ZZEF1: variants seen among roughly 807,000 people sequenced by gnomAD.
The protein encoded by ZZEF1 is zinc finger ZZ-type and EF-hand domain containing 1, also known as zinc finger ZZ-type and EF-hand domain-containing protein 1.
In ZZEF1, 157 loss-of-function variants were observed where a neutral mutation model predicts 342.8. The ratio of observed to expected loss-of-function variants is 0.46; its 90% CI spans 0.40 to 0.52. ZZEF1 has a LOEUF of 0.52. ZZEF1 is among the 20% of genes least tolerant of loss of function. ZZEF1 has a pLI of 0.00. For synonymous variants in ZZEF1, 1,505 were observed against 1,429.1 expected (o/e 1.05, Z -1.20); for missense variants, 3,480 against 3,725.6 (o/e 0.93, Z 1.72).
intron 24 of ZZEF1, among the ~76,000 whole-genome samples, chr17:4,073,175 T>C (rs998619736): frequency 3.3e-5 from 5 of 152,206 alleles, no homozygotes; most frequent in African/African-American, 1.2e-4. Flanking sequence ...GAGAAAAGAA[T>C]AGGTGGAAAT....
chr17:4,060,398 C>G (rs973828434), intron 30 of ZZEF1, among the ~76,000 whole-genome samples: 2 of 152,102 alleles, frequency 1.3e-5, no homozygotes, highest in African/African-American at 4.8e-5. Context: ...AACCCAGTGT[C>G]TAGTAAAAAT....
At position 4,086,673 on chromosome 17, in the gene ZZEF1, A is replaced by G. The variant is rs1367870848; in HGVS notation, c.2343-18T>C. On this transcript the variant is annotated intron_variant, in intron 14 of 54. Transcript: ENST00000381638. ...CCCTCGGGCTACAGAAAGACAAAAA[A>G]CATCAGAGAGCAAAAGGGCAAGTTG... 1.2e-6 allele frequency: 2 copies of G among 1,612,766 alleles called. No individual in the cohort carries two copies. Among genetic ancestry groups the G allele is most frequent in the African/African-American group, 1.3e-5 (1 of 74,882 alleles).
At chr17:4,095,279 A>G (rs2058013927) in intron 11 of ZZEF1, among the ~76,000 whole-genome samples, 1 of 152,158 alleles carries the variant, frequency 6.6e-6, no homozygotes, top group South Asian at 2.1e-4. Flanking sequence ...GATGTCTCTG[A>G]TCAGGAGGGC....
chr17:4,021,044 T>C (rs544352156), intron 45 of ZZEF1, 85 bp downstream of exon 45: 6 of 1,417,198 alleles, frequency 4.2e-6, no homozygotes, highest in East Asian at 2.3e-5. Context: ...AGCATTTTCA[T>C]GTTTAGGCTA....
At chr17:4,099,174 T>G (rs1226409739) in intron 9 of ZZEF1, among the ~76,000 whole-genome samples, 2 of 152,178 alleles carry the variant, frequency 1.3e-5, no homozygotes, top group African/African-American at 4.8e-5. Context: ...AAATAAAACT[T>G]CTGTGCTTCC....
intron 4 of ZZEF1, among the ~76,000 whole-genome samples, chr17:4,114,042 T>C (rs1355672982): frequency 2.0e-5 from 3 of 152,200 alleles, no homozygotes; most frequent in Non-Finnish European, 4.4e-5. Flanking sequence ...CTTTGTGGTA[T>C]TAATTTTCCT....
In ZZEF1 at chr17:4,087,590, A is replaced by G. The variant is rs551691146; in HGVS notation, c.2242-56T>C. Reference sequence around the variant, plus strand: ...AACTGAAAAATGCATTTAGAGAAATACTGTAATGCCTCATTTACTTCTAAT... The same window carrying G: ...AACTGAAAAATGCATTTAGAGAAATGCTGTAATGCCTCATTTACTTCTAAT... On this transcript the variant is annotated intron_variant, in intron 13 of 54. Transcript: ENST00000381638. 32 of 1,428,838 alleles carry G rather than the reference A, an allele frequency of 2.2e-5. No homozygotes were observed. The East Asian group carries it at 5.4e-4, about 24-fold the overall frequency. 88.5% of individuals were successfully genotyped at this position (1,428,838 alleles called of 1,614,324 possible). A position where few individuals can be genotyped will look rare whatever the true frequency, so the allele number is the denominator to read the frequency against.
At chr17:4,044,132 A>C (rs1372693532) in intron 38 of ZZEF1, 92 bp downstream of exon 38, 9 of 1,425,196 alleles carry the variant, frequency 6.3e-6, no homozygotes, top group Non-Finnish European at 8.7e-6. Flanking sequence ...GCGTCTAGCC[A>C]ATGTCAAGCT....
intron 39 of ZZEF1, 75 bp from the exon 40 acceptor site, chr17:4,034,367 C>A: frequency 6.6e-7 from 1 of 1,506,956 alleles, no homozygotes; most frequent in South Asian, 1.2e-5. Context: ...ATATCTCCCT[C>A]CTACCTTATT....
chr17:4,052,885 A>G (rs2057080940), intron 34 of ZZEF1, among the ~76,000 whole-genome samples: 2 of 151,972 alleles, frequency 1.3e-5, no homozygotes, highest in African/African-American at 4.8e-5. Flanking sequence ...GGCGGGGGAG[A>G]AAAAACCAGA....
rs150594706 is a variant in ZZEF1, at chr17:4,102,330, C to T, written c.1659G>A (p.Pro553=). The T allele has an allele frequency of 1.5e-4, 244 of 1,613,418 alleles. No homozygotes were observed. The East Asian group carries it at 4.1e-3, about 27-fold the overall frequency. ...CCCACCACTCACCATCCCTTGTCCA[C>T]GGTTCAACAAGGAGGTTTTCGGGTC... is the stretch of plus-strand genomic sequence containing the variant. ...KSGPENLLVE[P]WTRDGFLTET... Residue 553 remains proline (P), a synonymous_variant, in exon 9 of 55, where the codon CCG becomes CCA. Transcript: ENST00000381638.
At chr17:4,104,880 TG>T in intron 7 of ZZEF1, 69 bp from the exon 8 acceptor site, 1 of 1,374,280 alleles carries the variant, frequency 7.3e-7, no homozygotes, top group Middle Eastern at 1.9e-4. Flanking sequence ...TCAAACCCCA[TG>T]TAAGTGATCA....
At position 4,005,548 on chromosome 17, in the gene ZZEF1, C is replaced by A. The variant is rs112074890; in HGVS notation, c.*1342G>T. The A allele has an allele frequency of 3.9e-4, 59 of 152,554 alleles. No individual in the cohort carries two copies. The highest frequency in any genetic ancestry group is 1.4e-3 in the African/African-American group (57 of 41,604). The allele number at this position is 152,554 out of a possible 1,614,324, so 9.5% of individuals were successfully genotyped here. A position where few individuals can be genotyped will look rare whatever the true frequency, so the allele number is the denominator to read the frequency against. ...CACCTTGGAGTCCTGACCCAGAAGG[C>A]GAAAGTGCTCTTATAGGAAGATGCT... On this transcript the variant is annotated 3_prime_UTR_variant, in exon 55 of 55. Coordinates refer to ENST00000381638, the MANE Select transcript of ZZEF1 (RefSeq NM_015113.4).
At chr17:4,094,135 T>C (rs180831510) in intron 11 of ZZEF1, among the ~76,000 whole-genome samples, 141 of 152,202 alleles carry the variant, frequency 9.3e-4, no homozygotes, top group Non-Finnish European at 4.9e-4. Flanking sequence ...TCTCTTCCAC[T>C]TCTACATTTT....
chr17:4,070,892 A>G lies in ZZEF1; in HGVS notation c.3867T>C (p.His1289=). The G allele has an allele frequency of 6.2e-7, 1 of 1,614,152 alleles. No homozygotes were observed. The highest frequency in any genetic ancestry group is 8.5e-7 in the Non-Finnish European group (1 of 1,180,024). Residue 1289 remains histidine, a synonymous_variant, in exon 26 of 55, where the codon CAT becomes CAC. Coordinates refer to ENST00000381638, the MANE Select transcript of ZZEF1 (RefSeq NM_015113.4). ...CTGACTGGGCAAAATCAAGAAGAAA[A>G]TGGCGGCAGGGGTCGTCAGGAATGT... ...VKNIPDDPCR[H]FLLDFAQSEP... is the part of the protein sequence containing the mutation.
In ZZEF1 at chr17:4,117,026, T is replaced by A; in HGVS notation, c.640A>T (p.Met214Leu). The A allele has an allele frequency of 6.2e-7, 1 of 1,613,786 alleles. No individual in the cohort carries two copies. The highest frequency in any genetic ancestry group is 1.1e-5 in the South Asian group (1 of 91,044). Residue 214 changes from methionine (M) to leucine (L), a missense_variant, in exon 3 of 55, where the codon ATG becomes TTG. This residue lies in a region of ZZEF1 where 416 missense variants were observed against 374.2 expected (regional missense o/e 1.11). Transcript: ENST00000381638. ...MLEHCNNMCTMRSSVLKESLD... is the reference protein window; with the variant it reads ...MLEHCNNMCTLRSSVLKESLD... ...GACTCCTTCAGGACGGAAGACCGCA[T>A]GGTGCACATGTTATTGCAGTGCTCC...
chr17:4,140,539 T>G (rs144981555), intron 1 of ZZEF1, among the ~76,000 whole-genome samples: 1 of 152,336 alleles, frequency 6.6e-6, no homozygotes, highest in African/African-American at 2.4e-5. Context: ...AGCAAGTATC[T>G]GCTTTGTCCA....
intron 1 of ZZEF1, among the ~76,000 whole-genome samples, chr17:4,131,220 G>A (rs992610054): frequency 2.6e-5 from 4 of 152,040 alleles, no homozygotes; most frequent in African/African-American, 4.8e-5. Context: ...CCAGGATGAC[G>A]GAGCTTCTCA....
At chr17:4,069,282 T>C (rs2057463280) in intron 26 of ZZEF1, among the ~76,000 whole-genome samples, 1 of 152,170 alleles carries the variant, frequency 6.6e-6, no homozygotes, top group Admixed American at 6.5e-5. Flanking sequence ...AAATACATAT[T>C]GACATTCCCC....
Sources: gnomAD v4.1 joint callset for allele counts (sites outside exome capture counted in the v4.1 genomes callset) on GRCh38, gnomAD v4.1.1 for gene constraint, gnomAD v4.1.1 regional missense constraint, MANE v1.5 for transcripts, NCBI Gene and HGNC (gene_info 2026-07-23, HGNC 2026-07-21) for gene names.